TNNI3K: variants seen among roughly 807,000 people sequenced by gnomAD.
TNNI3K encodes TNNI3 interacting kinase, also known as serine/threonine-protein kinase TNNI3K.
In TNNI3K, 140 loss-of-function variants were observed where a neutral mutation model predicts 114.5. The observed-to-expected ratio is 1.22, with a 90% CI of 1.07 to 1.41. TNNI3K has a LOEUF of 1.41. Among genes scored for constraint, TNNI3K ranks in the 40% most tolerant of loss-of-function variants. The probability of loss-of-function intolerance (pLI) is 0.00; values close to 1 mark genes in which losing one functional copy is unlikely to be tolerated. For missense variants in TNNI3K, 1,125 were observed against 1,007.6 expected, an observed-to-expected ratio of 1.12 and a Z score of -1.58; for synonymous variants, 347 against 347.5, an observed-to-expected ratio of 1.00 and a Z score of 0.02.
At chr1:74,302,706 G>T (rs2100326696) in intron 5 of TNNI3K, among the ~76,000 whole-genome samples, 1 of 152,340 alleles carries the variant, frequency 6.6e-6, no homozygotes, top group African/African-American at 2.4e-5. Context: ...TCAATTCTAT[G>T]AAGGATGAGA....
chr1:74,349,367 G>T (rs56662872), intron 9 of TNNI3K, among the ~76,000 whole-genome samples: 9,519 of 152,168 alleles, frequency 0.063, 393 homozygotes, highest in South Asian at 0.12. Flanking sequence ...GCTGGATTCG[G>T]TTTGCCAGTA....
At chr1:74,501,357 A>T (rs138121595) in intron 23 of TNNI3K, among the ~76,000 whole-genome samples, 1 of 152,340 alleles carries the variant, frequency 6.6e-6, no homozygotes, top group African/African-American at 2.4e-5. Flanking sequence ...GAGTTTAAAA[A>T]AAGCTGTAGA....
intron 17 of TNNI3K, among the ~76,000 whole-genome samples, chr1:74,421,807 C>T (rs553245188): frequency 3.9e-5 from 6 of 152,096 alleles, no homozygotes; most frequent in Admixed American, 2.6e-4. Flanking sequence ...ATACCACCCT[C>T]AGCACTCTTA....
At chr1:74,420,445 A>G (rs1468418132) in intron 17 of TNNI3K, among the ~76,000 whole-genome samples, 1 of 152,138 alleles carries the variant, frequency 6.6e-6, no homozygotes, top group African/African-American at 2.4e-5. Context: ...GCCTTTGAGG[A>G]TGAGAACAGG....
chr1:74,390,024 G>T (rs1222098788), intron 17 of TNNI3K, among the ~76,000 whole-genome samples: 1 of 152,086 alleles, frequency 6.6e-6, no homozygotes, highest in Non-Finnish European at 1.5e-5. Context: ...GATATTAGAG[G>T]CATTTGAAAG....
chr1:74,367,483 CT>C, intron 12 of TNNI3K, 141 bp downstream of exon 12: 1 of 879,710 alleles, frequency 1.1e-6, no homozygotes, highest in Non-Finnish European at 1.7e-6. Context: ...TTTAAGTAAC[CT>C]TATGTCTGGG....
At chr1:74,255,417 T>G (rs923773933) in intron 4 of TNNI3K, among the ~76,000 whole-genome samples, 2 of 151,930 alleles carry the variant, frequency 1.3e-5, no homozygotes, top group Non-Finnish European at 2.9e-5. Context: ...CTCAGCCTCA[T>G]TTTCCTATTT....
intron 5 of TNNI3K, among the ~76,000 whole-genome samples, chr1:74,272,928 A>G (rs1173823998): frequency 6.6e-6 from 1 of 151,948 alleles, no homozygotes; most frequent in African/African-American, 2.4e-5. Flanking sequence ...ACACTCTATC[A>G]ATTGTGGAAA....
At chr1:74,268,074 GT>G (rs1656111964) in intron 4 of TNNI3K, among the ~76,000 whole-genome samples, 1 of 151,848 alleles carries the variant, frequency 6.6e-6, no homozygotes, top group Non-Finnish European at 1.5e-5. Flanking sequence ...ATTTATACAA[GT>G]TATTTATGTA....
chr1:74,429,415 G>T (rs1014921899), intron 17 of TNNI3K, among the ~76,000 whole-genome samples: 2 of 152,080 alleles, frequency 1.3e-5, no homozygotes, highest in African/African-American at 2.4e-5. Context: ...CACCTCAAGG[G>T]TCTAATCAGC....
intron 4 of TNNI3K, among the ~76,000 whole-genome samples, chr1:74,270,660 A>C (rs1656286783): frequency 6.6e-6 from 1 of 151,694 alleles, no homozygotes; most frequent in Non-Finnish European, 1.5e-5. Context: ...AACAAACAGT[A>C]TTTGATGTTA....
At chr1:74,450,282 A>T (rs916097277) in intron 20 of TNNI3K, among the ~76,000 whole-genome samples, 1 of 151,818 alleles carries the variant, frequency 6.6e-6, no homozygotes, top group Non-Finnish European at 1.5e-5. Flanking sequence ...TTATAGCACT[A>T]AATGCCCACA....
At chr1:74,347,681 A>C (rs1271637914) in intron 9 of TNNI3K, among the ~76,000 whole-genome samples, 1 of 152,126 alleles carries the variant, frequency 6.6e-6, no homozygotes, top group East Asian at 1.9e-4. Flanking sequence ...TGACATTTTA[A>C]TGATTGCCAT....
At chr1:74,445,004 C>A (rs1666569060) in intron 20 of TNNI3K, among the ~76,000 whole-genome samples, 1 of 152,068 alleles carries the variant, frequency 6.6e-6, no homozygotes, top group South Asian at 2.1e-4. Context: ...AAGCTGGACC[C>A]CTTCCTTATA....
intron 23 of TNNI3K, among the ~76,000 whole-genome samples, chr1:74,518,354 T>C (rs1015054049): frequency 3.9e-5 from 6 of 152,186 alleles, no homozygotes; most frequent in Non-Finnish European, 5.9e-5. Context: ...TACTGTTCAC[T>C]CCTTTCATTG....
At chr1:74,493,483 T>C (rs1260963118) in intron 23 of TNNI3K, among the ~76,000 whole-genome samples, 2 of 152,190 alleles carry the variant, frequency 1.3e-5, no homozygotes, top group African/African-American at 4.8e-5. Context: ...CATGCCCCAG[T>C]TCCCAATAGA....
At chr1:74,471,088 G>A (rs1283792016) in intron 21 of TNNI3K, 1 of 400,612 alleles carries the variant, frequency 2.5e-6, no homozygotes, top group East Asian at 3.6e-5. Flanking sequence ...AGCATCAGTG[G>A]GTGTAGGTTG....
At chr1:74,481,352 A>G (rs147586129) in intron 21 of TNNI3K, among the ~76,000 whole-genome samples, 159 of 152,314 alleles carry the variant, frequency 1.0e-3, no homozygotes, top group African/African-American at 3.6e-3. Context: ...GACAGAATCA[A>G]CTAAGAGCTG....
intron 17 of TNNI3K, among the ~76,000 whole-genome samples, chr1:74,432,722 A>C (rs556228542): frequency 2.4e-4 from 36 of 152,172 alleles, no homozygotes; most frequent in Admixed American, 1.8e-3. Context: ...TATTGAAAAC[A>C]GGTATTTTGG....
Sources: gnomAD v4.1 joint callset for allele counts (sites outside exome capture counted in the v4.1 genomes callset) on GRCh38, gnomAD v4.1.1 for gene constraint, MANE v1.5 for transcripts, NCBI Gene and HGNC (gene_info 2026-07-23, HGNC 2026-07-21) for gene names.